Variants in LRRTM4 observed in about 807,000 individuals in gnomAD.
LRRTM4 encodes the protein leucine rich repeat transmembrane neuronal 4.
In LRRTM4, 25 loss-of-function variants were observed where a neutral mutation model predicts 47.6. The ratio of observed to expected loss-of-function variants is 0.53; its 90% confidence interval spans 0.38 to 0.73. The LOEUF is 0.73. LRRTM4 is among the 30% of genes least tolerant of loss of function. The pLI is 0.00. For missense variants in LRRTM4, 638 were observed against 713.4 expected, an observed-to-expected ratio of 0.89 and a Z score of 1.20; for synonymous variants, 311 against 269.5, an observed-to-expected ratio of 1.15 and a Z score of -1.51.
chr2:77,496,468 G>C (rs1678368497), intron 3 of LRRTM4, among the ~76,000 whole-genome samples: 1 of 151,798 alleles, frequency 6.6e-6, no homozygotes, highest in Admixed American at 6.6e-5. Flanking sequence ...CCTTTTCACA[G>C]AAGGTTTTCT....
chr2:77,010,242 TTGTG>T (rs920510479), intron 3 of LRRTM4, among the ~76,000 whole-genome samples: 30 of 152,006 alleles, frequency 2.0e-4, no homozygotes, highest in Non-Finnish European at 1.2e-4. Context: ...AATGTATTTA[TTGTG>T]TGTAACTGAA....
At chr2:77,083,439 T>TA (rs1220764095) in intron 3 of LRRTM4, among the ~76,000 whole-genome samples, 4 of 152,158 alleles carry the variant, frequency 2.6e-5, no homozygotes, top group Non-Finnish European at 4.4e-5. Flanking sequence ...TTGTAGTCAA[T>TA]AAAAAATCTA....
intron 3 of LRRTM4, among the ~76,000 whole-genome samples, chr2:77,221,159 A>G (rs1297503884): frequency 1.3e-5 from 2 of 152,170 alleles, no homozygotes; most frequent in East Asian, 3.9e-4. Flanking sequence ...AAATGCTGAG[A>G]TATTTTGTCA....
At chr2:76,812,230 C>G (rs921478864) in intron 3 of LRRTM4, among the ~76,000 whole-genome samples, 3 of 152,134 alleles carry the variant, frequency 2.0e-5, no homozygotes, top group African/African-American at 4.8e-5. Flanking sequence ...ATCCAATTTT[C>G]AGATCTAGGA....
chr2:77,284,649 G>C lies in LRRTM4; in HGVS notation c.1551+233669C>G, dbSNP rs549667962. Among the ~76,000 whole-genome samples the C allele has an allele frequency of 1.4e-4, 22 of 152,172 alleles. No individual in the cohort carries two copies. In the South Asian group the frequency reaches 4.1e-3, roughly 29 times the overall value. On this transcript the variant is annotated intron_variant, in intron 3 of 3. Coordinates refer to ENST00000409884, the MANE Select transcript of LRRTM4 (RefSeq NM_001134745.3). ...CAGGTAATTAAGTAATTTTTCTTAAGATCAACTAGAAGTTAGTGATGGAGT... is the reference window on the plus strand; with the variant it reads ...CAGGTAATTAAGTAATTTTTCTTAACATCAACTAGAAGTTAGTGATGGAGT...
intron 3 of LRRTM4, among the ~76,000 whole-genome samples, chr2:76,905,191 C>A (rs6720733): frequency 0.012 from 1,833 of 152,198 alleles, 38 homozygotes; most frequent in African/African-American, 0.042. Flanking sequence ...TTGCAGTTCA[C>A]GAAAAACCAC....
At chr2:77,371,781 C>T (rs575523535) in intron 3 of LRRTM4, among the ~76,000 whole-genome samples, 29 of 151,770 alleles carry the variant, frequency 1.9e-4, no homozygotes, top group Admixed American at 7.3e-4. Context: ...CCTTCCTTGG[C>T]CCCACATTCT....
At chr2:76,944,868 G>T (rs930086860) in intron 3 of LRRTM4, among the ~76,000 whole-genome samples, 1 of 151,978 alleles carries the variant, frequency 6.6e-6, no homozygotes, top group African/African-American at 2.4e-5. Flanking sequence ...TATTTGTAAA[G>T]GTTAAATCTA....
At chr2:77,499,901 G>A (rs1678507519) in intron 3 of LRRTM4, among the ~76,000 whole-genome samples, 1 of 151,634 alleles carries the variant, frequency 6.6e-6, no homozygotes, top group African/African-American at 2.4e-5. Context: ...CTAAAAATTT[G>A]CCCTTAAAGT....
At chr2:76,897,361 G>T (rs139001812) in intron 3 of LRRTM4, among the ~76,000 whole-genome samples, 2 of 152,110 alleles carry the variant, frequency 1.3e-5, no homozygotes, top group South Asian at 4.1e-4. Flanking sequence ...GTAAGAGCTT[G>T]TGTGTAAGGG....
intron 3 of LRRTM4, among the ~76,000 whole-genome samples, chr2:77,146,483 A>T (rs1672264871): frequency 6.6e-6 from 1 of 152,174 alleles, no homozygotes; most frequent in South Asian, 2.1e-4. Flanking sequence ...GAAACATTGC[A>T]CTATAAAGAA....
chr2:76,861,381 T>G (rs1239842798), intron 3 of LRRTM4, among the ~76,000 whole-genome samples: 1 of 152,164 alleles, frequency 6.6e-6, no homozygotes, highest in Non-Finnish European at 1.5e-5. Context: ...TGATTTGATT[T>G]TTTTTCCCAT....
Position 76,908,335 on chromosome 2 carries a change from C to A in LRRTM4, c.1552-159419G>T, listed in dbSNP as rs553603578. Among the ~76,000 whole-genome samples the A allele has an allele frequency of 4.7e-5, 7 of 148,038 alleles. No homozygotes were observed. In the East Asian group the frequency reaches 8.2e-4, roughly 17 times the overall value. The stretch of plus-strand genomic sequence containing the variant: ...TCTCAATAAATTAGGTATTGATGGG[C>A]CATATCTCAAAATCATAAGAGCTAT... On this transcript the variant is annotated intron_variant, in intron 3 of 3. Transcript: ENST00000409884.
rs114782801 is a variant in LRRTM4 at position 77,143,347 on chromosome 2, C to G, written c.1551+374971G>C. Among the ~76,000 whole-genome samples, 971 of 152,168 alleles carry G rather than the reference C, an allele frequency of 6.4e-3. 11 individuals carry two copies. The highest frequency in any genetic ancestry group is 0.022 in the African/African-American group (924 of 41,520). ...TAGTAGATCTTTATAATCAAGGTGA[C>G]TTTAAGATAATTTCATCTTAATTTG... On this transcript the variant is annotated intron_variant, in intron 3 of 3. Coordinates refer to ENST00000409884, the MANE Select transcript of LRRTM4 (RefSeq NM_001134745.3).
chr2:77,476,685 T>G (rs1436420578), intron 3 of LRRTM4, among the ~76,000 whole-genome samples: 8 of 152,096 alleles, frequency 5.3e-5, no homozygotes, highest in African/African-American at 1.9e-4. Flanking sequence ...CGTAGAACAA[T>G]TGTTATGCTA....
intron 3 of LRRTM4, among the ~76,000 whole-genome samples, chr2:77,474,500 G>C (rs1347259041): frequency 6.6e-6 from 1 of 152,040 alleles, no homozygotes; most frequent in African/African-American, 2.4e-5. Flanking sequence ...GCAATGTCAA[G>C]AGTAAGGTTG....
At chr2:77,354,699 C>T (rs952345738) in intron 3 of LRRTM4, among the ~76,000 whole-genome samples, 1 of 152,124 alleles carries the variant, frequency 6.6e-6, no homozygotes, top group African/African-American at 2.4e-5. Context: ...TTAATTATGC[C>T]TCAGAGGTAC....
chr2:76,920,891 C>A (rs1674411307), intron 3 of LRRTM4, among the ~76,000 whole-genome samples: 1 of 151,768 alleles, frequency 6.6e-6, no homozygotes, highest in Non-Finnish European at 1.5e-5. Flanking sequence ...TCAATTTAAA[C>A]ACACTTACAA....
At position 77,519,536 on chromosome 2, in the gene LRRTM4, C is replaced by A. The variant is rs767450754; in HGVS notation, c.333G>T (p.Leu111=). The A allele has an allele frequency of 6.2e-7, 1 of 1,613,430 alleles. No individual in the cohort carries two copies. The highest frequency in any genetic ancestry group is 8.5e-7 in the Non-Finnish European group (1 of 1,179,634). ...DEDAFQGIRR[L]KELILSSNKI... Reference sequence around the variant, plus strand: ...TGTTGGAGCTTAGAATTAATTCTTTCAGTCTACGGATCCCTTGAAATGCAT... The same window carrying A: ...TGTTGGAGCTTAGAATTAATTCTTTAAGTCTACGGATCCCTTGAAATGCAT... The change falls in exon 3 of 4, where the codon CTG becomes CTT. Residue 111 remains leucine, a synonymous_variant. Coordinates refer to ENST00000409884, the MANE Select transcript of LRRTM4 (RefSeq NM_001134745.3). The surrounding 1 kb of genome is among the most constrained non-coding windows in gnomAD (Gnocchi z 4.6).
Sources: gnomAD v4.1 joint callset for allele counts (sites outside exome capture counted in the v4.1 genomes callset) on GRCh38, gnomAD v4.1.1 for gene constraint, Gnocchi (gnomAD v3.1) non-coding constraint, MANE v1.5 for transcripts, NCBI Gene and HGNC (gene_info 2026-07-23, HGNC 2026-07-21) for gene names.